Variants in TMEM178A observed in about 807,000 individuals in gnomAD.
The protein encoded by TMEM178A is transmembrane protein 178.
TMEM178A carries 12 observed loss-of-function variants against 29.1 expected under a neutral mutation model. The observed-to-expected ratio is 0.41, with a 90% CI of 0.26 to 0.67. TMEM178A has a LOEUF of 0.67. TMEM178A is among the 30% of genes least tolerant of loss of function. The pLI, the probability that TMEM178A is intolerant of heterozygous loss-of-function variation, is 0.29. For missense variants in TMEM178A, 366 were observed against 419.1 expected, an observed-to-expected ratio of 0.87 and a Z score of 1.11; for synonymous variants, 210 against 187.2, an observed-to-expected ratio of 1.12 and a Z score of -0.99.
chr2:39,668,005 T>C (rs1670243876), intron 1 of TMEM178A, among the ~76,000 whole-genome samples: 1 of 152,226 alleles, frequency 6.6e-6, no homozygotes, highest in African/African-American at 2.4e-5. Flanking sequence ...TCCTTACACT[T>C]TCTATGCTTA....
At chr2:39,666,628 C>T (rs1572638670) in intron 1 of TMEM178A, among the ~76,000 whole-genome samples, 1 of 152,266 alleles carries the variant, frequency 6.6e-6, no homozygotes, top group East Asian at 1.9e-4. Context: ...CCGCACCTCC[C>T]GCCTCTGTCT....
chr2:39,694,340 G>A (rs1671451584), intron 1 of TMEM178A, among the ~76,000 whole-genome samples: 1 of 152,106 alleles, frequency 6.6e-6, no homozygotes, highest in Non-Finnish European at 1.5e-5. Context: ...TGCAAATCCA[G>A]CCTGTCTTGC....
chr2:39,699,549 T>G (rs1248784731), intron 1 of TMEM178A, among the ~76,000 whole-genome samples: 2 of 151,206 alleles, frequency 1.3e-5, no homozygotes, highest in Admixed American at 1.3e-4. Flanking sequence ...CTACATCTCC[T>G]GGGCTTAAGC....
At chr2:39,705,097 G>T in intron 2 of TMEM178A, among the ~76,000 whole-genome samples, 1 of 152,200 alleles carries the variant, frequency 6.6e-6, no homozygotes, top group Non-Finnish European at 1.5e-5. Context: ...GAGCCATGTA[G>T]TTACTGGCTC....
intron 1 of TMEM178A, among the ~76,000 whole-genome samples, chr2:39,699,957 A>T (rs1396173623): frequency 6.6e-6 from 1 of 152,086 alleles, no homozygotes; most frequent in East Asian, 1.9e-4. Context: ...GAATTTCCTA[A>T]ATTTTATTTT....
chr2:39,690,432 G>A (rs1350926133), intron 1 of TMEM178A, among the ~76,000 whole-genome samples: 1 of 152,208 alleles, frequency 6.6e-6, no homozygotes, highest in Admixed American at 6.5e-5. Context: ...TCAGGACACT[G>A]CCGTGGGGAA....
intron 3 of TMEM178A, among the ~76,000 whole-genome samples, chr2:39,708,636 C>G (rs1672160347): frequency 6.6e-6 from 1 of 151,520 alleles, no homozygotes; most frequent in Non-Finnish European, 1.5e-5. Flanking sequence ...CCAGGATGGT[C>G]TCGATCTCCT....
intron 1 of TMEM178A, among the ~76,000 whole-genome samples, chr2:39,680,699 T>G (rs1670830631): frequency 6.6e-6 from 1 of 152,220 alleles, no homozygotes; most frequent in Non-Finnish European, 1.5e-5. Flanking sequence ...TAATTGCCCA[T>G]TTTAAATTTC....
At chr2:39,720,780 A>C (rs1672688042), downstream of TMEM178A, among the ~76,000 whole-genome samples, 1 of 152,188 alleles carries the variant, frequency 6.6e-6, no homozygotes, top group Non-Finnish European at 1.5e-5. Context: ...CTCCCTTAGC[A>C]CCAATTTTAG....
intron 1 of TMEM178A, among the ~76,000 whole-genome samples, chr2:39,703,401 T>C (rs992945826): frequency 1.3e-5 from 2 of 152,138 alleles, no homozygotes; most frequent in Admixed American, 6.5e-5. Flanking sequence ...GTGTACTAGA[T>C]GAATCAATGT....
chr2:39,688,212 C>A (rs972846083), intron 1 of TMEM178A, among the ~76,000 whole-genome samples: 2 of 152,228 alleles, frequency 1.3e-5, no homozygotes, highest in African/African-American at 4.8e-5. Context: ...TGAGAAGGCA[C>A]TTTGAACAAA....
At chr2:39,686,318 CA>C in intron 1 of TMEM178A, among the ~76,000 whole-genome samples, 1 of 152,100 alleles carries the variant, frequency 6.6e-6, no homozygotes, top group Non-Finnish European at 1.5e-5. Context: ...GAATATCAAA[CA>C]AAGGCACAAC....
chr2:39,704,750 T>A (rs1671949681), intron 2 of TMEM178A, among the ~76,000 whole-genome samples: 1 of 152,198 alleles, frequency 6.6e-6, no homozygotes, highest in Non-Finnish European at 1.5e-5. Flanking sequence ...AGGGCTGATA[T>A]TTACCTAAAA....
intron 1 of TMEM178A, among the ~76,000 whole-genome samples, chr2:39,673,877 A>AT (rs550025317): frequency 9.9e-4 from 151 of 151,830 alleles, no homozygotes; most frequent in Admixed American, 1.6e-3. Flanking sequence ...GTTAAAAATG[A>AT]TTTTTTTTTA....
At chr2:39,720,981 C>T (rs1291795227), downstream of TMEM178A, among the ~76,000 whole-genome samples, 1 of 152,040 alleles carries the variant, frequency 6.6e-6, no homozygotes, top group African/African-American at 2.4e-5. Flanking sequence ...TTAGTAACCT[C>T]AATATGGTTC....
At position 39,666,183 on chromosome 2, in the gene TMEM178A, C is replaced by T. The variant is rs1037864024; in HGVS notation, c.209C>T (p.Ser70Leu). The change falls in exon 1 of 4, where the codon TCG becomes TTG. Residue 70 changes from serine (S) to leucine (L), a missense_variant. Coordinates refer to ENST00000281961, the MANE Select transcript of TMEM178A (RefSeq NM_152390.3). ...MPLSHLPLRD[S>L]PPLGRRLLPG... The stretch of plus-strand genomic sequence containing the variant: ...CTGTCGCACCTGCCGCTGCGGGACT[C>T]GCCCCCGCTGGGGCGCCGGCTGCTC... The T allele has an allele frequency of 8.2e-6, 12 of 1,464,146 alleles. No individual in the cohort carries two copies. In the East Asian group the frequency reaches 9.2e-5, roughly 11 times the overall value. 90.7% of individuals were successfully genotyped at this position (1,464,146 alleles called of 1,614,324 possible).
chr2:39,710,986 G>A (rs1008153530), intron 3 of TMEM178A, among the ~76,000 whole-genome samples: 3 of 152,208 alleles, frequency 2.0e-5, no homozygotes, highest in Non-Finnish European at 4.4e-5. Context: ...GCTGACTGTC[G>A]ATGCACATCT....
chr2:39,700,164 G>T (rs2148094609), intron 1 of TMEM178A, among the ~76,000 whole-genome samples: 1 of 152,144 alleles, frequency 6.6e-6, no homozygotes, highest in Non-Finnish European at 1.5e-5. Context: ...TATCTTGTTG[G>T]TTTATAATGT....
At chr2:39,665,682 C>T (rs1051196639), upstream of TMEM178A, 2 of 267,630 alleles carry the variant, frequency 7.5e-6, no homozygotes, top group Middle Eastern at 9.6e-4. Context: ...TGGGGGGCGC[C>T]GGGGCGAGGA....
Sources: allele counts gnomAD v4.1 joint callset (sites outside exome capture counted in the v4.1 genomes callset), GRCh38; gene constraint gnomAD v4.1.1; transcripts MANE v1.5; gene names NCBI Gene and HGNC (gene_info 2026-07-23, HGNC 2026-07-21).